The following FSTL4 variants were observed in gnomAD, a reference collection of about 807,000 sequenced individuals.
The protein encoded by FSTL4 is follistatin-related protein 4.
In FSTL4, 28 loss-of-function variants were observed where a neutral mutation model predicts 78.2. The ratio of observed to expected loss-of-function variants is 0.36; its 90% CI spans 0.27 to 0.49. The LOEUF (loss-of-function observed/expected upper bound fraction) is 0.49, where lower values mean the gene tolerates loss of function less well. Ranked by LOEUF, FSTL4 falls within the 20% of genes least tolerant of loss-of-function variation. FSTL4 has a pLI of 0.98. For missense variants in FSTL4, 922 were observed against 1,084.9 expected (o/e 0.85, Z 2.11); for synonymous variants, 422 against 440.5 (o/e 0.96, Z 0.53).
the FSTL4 span, among the ~76,000 whole-genome samples, chr5:133,789,721 A>T: frequency 1.3e-5 from 2 of 152,164 alleles, no homozygotes; most frequent in Non-Finnish European, 2.9e-5. Context: ...GTTCTGGCTG[A>T]TTCAATTTCT....
At chr5:133,503,639 T>G (rs1301008406) in intron 3 of FSTL4, among the ~76,000 whole-genome samples, 4 of 152,220 alleles carry the variant, frequency 2.6e-5, no homozygotes, top group Admixed American at 2.6e-4. Flanking sequence ...CCAGACAATT[T>G]TAGCCACTTA....
At chr5:133,494,173 C>T (rs10035595) in intron 3 of FSTL4, among the ~76,000 whole-genome samples, 1,894 of 152,202 alleles carry the variant, frequency 0.012, 40 homozygotes, top group African/African-American at 0.044. Context: ...TTAAACACAC[C>T]TACTGCGTGC....
intron 6 of FSTL4, among the ~76,000 whole-genome samples, chr5:133,299,696 C>T (rs11739721): frequency 6.6e-6 from 1 of 152,180 alleles, no homozygotes; most frequent in Admixed American, 6.5e-5. Flanking sequence ...CCAGCAGAAG[C>T]CAGAGCTCCC....
chr5:133,319,928 G>C (rs1754004786), intron 4 of FSTL4, among the ~76,000 whole-genome samples: 1 of 152,200 alleles, frequency 6.6e-6, no homozygotes, highest in Non-Finnish European at 1.5e-5. Context: ...CACTGGGGAA[G>C]GGCCATGGAC....
intron 3 of FSTL4, among the ~76,000 whole-genome samples, chr5:133,457,055 GT>G (rs1324403317): frequency 1.3e-5 from 2 of 152,052 alleles, no homozygotes; most frequent in Non-Finnish European, 2.9e-5. Context: ...AATGCACTGG[GT>G]GGAATTTACA....
At chr5:133,779,517 C>T in the FSTL4 span, among the ~76,000 whole-genome samples, 11 of 151,900 alleles carry the variant, frequency 7.2e-5, no homozygotes, top group African/African-American at 2.4e-4. Context: ...ACCTGGGAGG[C>T]GGAGGTTGCA....
the FSTL4 span, among the ~76,000 whole-genome samples, chr5:133,695,525 C>T: frequency 8.5e-5 from 13 of 152,340 alleles, no homozygotes; most frequent in Admixed American, 2.6e-4. Flanking sequence ...GCAGTCCCCT[C>T]CCCAAGGACC....
chr5:133,546,505 CAAAAAAAAAAAAAAAA>C (rs71581365), intron 3 of FSTL4, among the ~76,000 whole-genome samples: 1 of 75,444 alleles, frequency 1.3e-5, no homozygotes, highest in African/African-American at 4.6e-5. Flanking sequence ...GACTTTGTCT[CAAAAAAAAAAAAAAAA>C]AAAAAAAAAA....
chr5:133,440,911 C>G lies in FSTL4; in HGVS notation c.161-39925G>C, dbSNP rs1757145979. Reference sequence around the variant, plus strand: ...GCCTCCTGCACTTGGCCTCCTGGGTCTGGGTCAGGGCCAGCCCTGCTCCTG... The same window carrying G: ...GCCTCCTGCACTTGGCCTCCTGGGTGTGGGTCAGGGCCAGCCCTGCTCCTG... On this transcript the variant is annotated intron_variant, in intron 3 of 15. Transcript: ENST00000265342. This position sits in a 1 kb window ranked among gnomAD's most constrained non-coding sequence, Gnocchi z 4.1. Among the ~76,000 whole-genome samples the G allele has an allele frequency of 6.6e-6, 1 of 152,190 alleles. No homozygotes were observed. Among genetic ancestry groups the G allele is most frequent in the Admixed American group, 6.5e-5 (1 of 15,286 alleles).
chr5:133,374,167 T>C (rs780127495), intron 4 of FSTL4, among the ~76,000 whole-genome samples: 4 of 152,232 alleles, frequency 2.6e-5, no homozygotes, highest in Non-Finnish European at 4.4e-5. Flanking sequence ...CTCCTCCAAC[T>C]GCCCACACTC....
chr5:133,503,031 C>T (rs955720822), intron 3 of FSTL4, among the ~76,000 whole-genome samples: 2 of 152,224 alleles, frequency 1.3e-5, no homozygotes, highest in Non-Finnish European at 2.9e-5. Flanking sequence ...TAATTTGTTA[C>T]AGCAGCAATA....
At chr5:133,554,272 G>A (rs1472754035) in intron 3 of FSTL4, among the ~76,000 whole-genome samples, 1 of 152,200 alleles carries the variant, frequency 6.6e-6, no homozygotes, top group Non-Finnish European at 1.5e-5. Context: ...AGATGGGGGG[G>A]AGGTGCCTGG....
the FSTL4 span, among the ~76,000 whole-genome samples, chr5:133,661,200 G>A: frequency 1.3e-5 from 2 of 152,170 alleles, no homozygotes; most frequent in African/African-American, 4.8e-5. Context: ...ATGTTGGCCA[G>A]GCTGGTCTCG....
chr5:133,296,332 T>G (rs905749463), intron 6 of FSTL4, among the ~76,000 whole-genome samples: 1 of 152,252 alleles, frequency 6.6e-6, no homozygotes, highest in African/African-American at 2.4e-5. Flanking sequence ...TACATGCTCC[T>G]ACTTTTGCCC....
At chr5:133,403,634 T>C (rs17685465) in intron 3 of FSTL4, among the ~76,000 whole-genome samples, 1 of 151,922 alleles carries the variant, frequency 6.6e-6, no homozygotes, top group Non-Finnish European at 1.5e-5. Flanking sequence ...TAGGGGTACA[T>C]TTTCCCTTGC....
chr5:133,251,848 A>G (rs970204276), intron 6 of FSTL4, among the ~76,000 whole-genome samples: 1 of 152,216 alleles, frequency 6.6e-6, no homozygotes, highest in Non-Finnish European at 1.5e-5. Context: ...CTCAAGGGGC[A>G]TGGAGGCCAG....
At chr5:133,742,786 T>A in the FSTL4 span, among the ~76,000 whole-genome samples, 2 of 152,158 alleles carry the variant, frequency 1.3e-5, no homozygotes, top group East Asian at 3.9e-4. Context: ...GAGACCCATG[T>A]GGGCTCTGTG....
intron 6 of FSTL4, among the ~76,000 whole-genome samples, chr5:133,306,006 C>T (rs574665448): frequency 6.6e-6 from 1 of 152,354 alleles, no homozygotes; most frequent in African/African-American, 2.4e-5. Context: ...GGTCTTCCTT[C>T]CGCATTTGTC....
chr5:133,803,867 A>T, the FSTL4 span, among the ~76,000 whole-genome samples: 1 of 152,120 alleles, frequency 6.6e-6, no homozygotes, highest in Admixed American at 6.5e-5. Context: ...GAGTATACCA[A>T]TGAGAGGCGC....
Sources: allele counts gnomAD v4.1 joint callset (sites outside exome capture counted in the v4.1 genomes callset), GRCh38; gene constraint gnomAD v4.1.1; non-coding constraint Gnocchi (gnomAD v3.1); transcripts MANE v1.5; gene names NCBI Gene and HGNC (gene_info 2026-07-23, HGNC 2026-07-21).